Variants in ZRANB3 observed in about 807,000 individuals in gnomAD.
ZRANB3 encodes zinc finger RANBP2-type containing 3.
A neutral mutation model predicts 133.8 loss-of-function variants in ZRANB3; 125 were observed. The observed-to-expected ratio is 0.93, with a 90% confidence interval of 0.81 to 1.08. The LOEUF (loss-of-function observed/expected upper bound fraction) is 1.08. Ranked by LOEUF, ZRANB3 falls within the 50% of genes least tolerant of loss-of-function variation. The pLI is 0.00. For missense variants in ZRANB3, 1,229 were observed against 1,275.5 expected, an observed-to-expected ratio of 0.96 and a Z score of 0.56; for synonymous variants, 387 against 432.7, an observed-to-expected ratio of 0.89 and a Z score of 1.31.
intron 2 of ZRANB3, among the ~76,000 whole-genome samples, chr2:135,466,669 G>C (rs1691015114): frequency 6.6e-6 from 1 of 150,646 alleles, no homozygotes; most frequent in African/African-American, 2.4e-5. Context: ...AGAATTCTAT[G>C]ATTTGTGTTG....
At position 135,350,121 on chromosome 2, in the gene ZRANB3, T is replaced by C; in HGVS notation, c.454A>G (p.Lys152Glu). 3.1e-6 allele frequency: 5 copies of C among 1,613,812 alleles called. No individual in the cohort carries two copies. The highest frequency in any genetic ancestry group is 4.2e-6 in the Non-Finnish European group (5 of 1,179,848). Reference protein sequence around the residue: ...LIDALNNQNFKVVIVDESHYM... With the variant: ...LIDALNNQNFEVVIVDESHYM... ...TGTGATTCATCCACTATAACTACTT[T>C]GAAGTTCTGATTATTCAGTGCATCT... Residue 152 changes from lysine to glutamate, a missense_variant, in exon 5 of 21, where the codon AAA (lysine) becomes GAA (glutamate). Transcript: ENST00000264159.
At chr2:135,353,663 G>A (rs1188968305) in intron 3 of ZRANB3, 35 bp from the exon 4 acceptor site, 4 of 1,295,746 alleles carry the variant, frequency 3.1e-6, no homozygotes, top group Non-Finnish European at 4.1e-6. Flanking sequence ...TAATAATAGA[G>A]CCTAAAATAT....
chr2:135,302,608 C>T (rs1246112568), intron 8 of ZRANB3, among the ~76,000 whole-genome samples: 1 of 151,824 alleles, frequency 6.6e-6, no homozygotes, highest in African/African-American at 2.4e-5. Flanking sequence ...TCACTACAAC[C>T]TCCACCTCCT....
At chr2:135,243,364 A>C (rs1253515294) in intron 12 of ZRANB3, among the ~76,000 whole-genome samples, 3 of 152,174 alleles carry the variant, frequency 2.0e-5, no homozygotes, top group Non-Finnish European at 4.4e-5. Flanking sequence ...AAATACAAAA[A>C]TTAGCCGTGC....
chr2:135,460,907 T>C (rs1181813025), intron 2 of ZRANB3, among the ~76,000 whole-genome samples: 4 of 152,198 alleles, frequency 2.6e-5, no homozygotes, highest in Admixed American at 6.5e-5. Flanking sequence ...TAGCCACTAA[T>C]GACCAATTTT....
intron 14 of ZRANB3, 131 bp downstream of exon 14, chr2:135,227,681 G>T: frequency 1.2e-6 from 1 of 863,480 alleles, no homozygotes. Context: ...GGTTACAAAT[G>T]GTTGGTATTT....
At chr2:135,516,611 T>C (rs1693709605) in intron 1 of ZRANB3, among the ~76,000 whole-genome samples, 1 of 152,226 alleles carries the variant, frequency 6.6e-6, no homozygotes, top group African/African-American at 2.4e-5. Flanking sequence ...CTCTTCTGGC[T>C]TGTAGGGTTT....
chr2:135,305,257 GC>G (rs1461530586), intron 8 of ZRANB3, among the ~76,000 whole-genome samples: 1 of 152,164 alleles, frequency 6.6e-6, no homozygotes, highest in African/African-American at 2.4e-5. Context: ...ACTGTGCCTG[GC>G]CCCTTTTACT....
chr2:135,404,399 GA>G (rs1450514560), intron 2 of ZRANB3, among the ~76,000 whole-genome samples: 2 of 152,044 alleles, frequency 1.3e-5, no homozygotes, highest in African/African-American at 4.8e-5. Flanking sequence ...GAAGTTTAGA[GA>G]AAAAAGAATA....
At chr2:135,266,432 GAT>G (rs1232602767) in intron 11 of ZRANB3, among the ~76,000 whole-genome samples, 1 of 152,052 alleles carries the variant, frequency 6.6e-6, no homozygotes, top group Non-Finnish European at 1.5e-5. Flanking sequence ...TCTTTATCCT[GAT>G]CCAGGAAAGA....
chr2:135,455,796 G>A (rs765403878), intron 2 of ZRANB3, among the ~76,000 whole-genome samples: 21 of 151,146 alleles, frequency 1.4e-4, no homozygotes, highest in South Asian at 4.2e-4. Flanking sequence ...GGGTTTCACC[G>A]TGTTAGCCAG....
chr2:135,488,020 G>A (rs1692198541), intron 2 of ZRANB3, among the ~76,000 whole-genome samples: 1 of 152,172 alleles, frequency 6.6e-6, no homozygotes, highest in Non-Finnish European at 1.5e-5. Context: ...TTTAAAGTGA[G>A]AGATGTATGA....
At chr2:135,279,161 C>G (rs992026312) in intron 8 of ZRANB3, among the ~76,000 whole-genome samples, 4 of 151,938 alleles carry the variant, frequency 2.6e-5, no homozygotes, top group Non-Finnish European at 5.9e-5. Flanking sequence ...TTTTGGATCT[C>G]TGGTCATTAA....
At position 135,207,794 on chromosome 2, in the gene ZRANB3, T is replaced by G; in HGVS notation, c.2649A>C (p.Pro883=). Residue 883 remains proline, a synonymous_variant, in exon 19 of 21, where the codon CCA becomes CCC. Transcript: ENST00000264159. ...EDGACVPFLN[P]YTVQADLTVK... The stretch of plus-strand genomic sequence containing the variant: ...CAGTGAGATCTGCCTGGACTGTGTA[T>G]GGATTTAGAAATGGGACACAGGCTC... 1 of 1,604,696 alleles carries G rather than the reference T, an allele frequency of 6.2e-7. No individual in the cohort carries two copies. The highest frequency in any genetic ancestry group is 1.1e-5 in the South Asian group (1 of 90,934).
chr2:135,256,292 T>G (rs982962168), intron 12 of ZRANB3, among the ~76,000 whole-genome samples: 3 of 152,044 alleles, frequency 2.0e-5, no homozygotes, highest in Non-Finnish European at 4.4e-5. Context: ...ACTTAGCAAA[T>G]TTTCAGGGTT....
intron 2 of ZRANB3, among the ~76,000 whole-genome samples, chr2:135,450,255 T>C (rs1030574249): frequency 6.8e-6 from 1 of 146,854 alleles, no homozygotes; most frequent in Admixed American, 6.9e-5. Flanking sequence ...GACAGAGCAC[T>C]CCGTCTCAAA....
At chr2:135,284,086 T>C (rs925209636) in intron 8 of ZRANB3, among the ~76,000 whole-genome samples, 1 of 152,240 alleles carries the variant, frequency 6.6e-6, no homozygotes, top group Non-Finnish European at 1.5e-5. Context: ...GCTAAGCACA[T>C]GGACTGTGGA....
intron 1 of ZRANB3, chr2:135,530,629 T>C (rs2104856300): frequency 6.6e-6 from 1 of 152,094 alleles, no homozygotes; most frequent in East Asian, 1.9e-4. Context: ...AGTAGATGAG[T>C]TTAAATACGT....
chr2:135,476,585 T>A (rs1691507072), intron 2 of ZRANB3, among the ~76,000 whole-genome samples: 3 of 152,116 alleles, frequency 2.0e-5, no homozygotes, highest in Admixed American at 2.0e-4. Flanking sequence ...TACTGTACTT[T>A]GTACATTTTC....
Sources: gnomAD v4.1 joint callset for allele counts (sites outside exome capture counted in the v4.1 genomes callset) on GRCh38, gnomAD v4.1.1 for gene constraint, MANE v1.5 for transcripts, NCBI Gene and HGNC (gene_info 2026-07-23, HGNC 2026-07-21) for gene names.